CACNA2D3: variants seen among roughly 807,000 people sequenced by gnomAD.
CACNA2D3 encodes calcium voltage-gated channel auxiliary subunit alpha2delta 3.
CACNA2D3 carries 60 observed loss-of-function variants against 160.6 expected under a neutral mutation model. The ratio of observed to expected loss-of-function variants is 0.37; its 90% CI spans 0.30 to 0.46. The LOEUF is 0.46. Ranked by LOEUF, CACNA2D3 falls within the 20% of genes least tolerant of loss-of-function variation. The pLI is 1.00. For missense variants in CACNA2D3, 1,205 were observed against 1,365.0 expected (o/e 0.88, Z 1.85); for synonymous variants, 558 against 492.9 (o/e 1.13, Z -1.75).
intron 26 of CACNA2D3, 121 bp downstream of exon 26, chr3:54,896,991 G>A (rs1700205755): frequency 3.9e-6 from 5 of 1,272,232 alleles, no homozygotes; most frequent in Non-Finnish European, 5.6e-6. Flanking sequence ...CTCAGAGCCA[G>A]TGCTGAATAT....
chr3:54,375,374 A>G (rs558816137), intron 3 of CACNA2D3, among the ~76,000 whole-genome samples: 28 of 151,980 alleles, frequency 1.8e-4, no homozygotes, highest in African/African-American at 5.8e-4. Context: ...AATTTGTCCA[A>G]CTGCATTTTG....
At chr3:54,571,688 AAC>A (rs10617736) in intron 8 of CACNA2D3, among the ~76,000 whole-genome samples, 53,079 of 149,892 alleles carry the variant, frequency 0.35, 10,488 homozygotes, top group Middle Eastern at 0.48. Flanking sequence ...GCATGAAAAT[AAC>A]ACACATCACA....
chr3:54,987,926 G>C (rs1346294224), intron 31 of CACNA2D3, among the ~76,000 whole-genome samples, 173 bp downstream of exon 31: 4 of 152,182 alleles, frequency 2.6e-5, no homozygotes, highest in Admixed American at 1.3e-4. Flanking sequence ...GTGTTAGAGT[G>C]TTAGAGTCTT....
chr3:54,486,403 A>T (rs540649117), intron 4 of CACNA2D3, among the ~76,000 whole-genome samples: 5 of 152,304 alleles, frequency 3.3e-5, no homozygotes, highest in African/African-American at 9.6e-5. Context: ...ACCTAACTGC[A>T]AGTGTTCACT....
chr3:54,127,781 C>A (rs1454633717), intron 2 of CACNA2D3, among the ~76,000 whole-genome samples: 1 of 152,168 alleles, frequency 6.6e-6, no homozygotes, highest in East Asian at 1.9e-4. Flanking sequence ...AACACAATCA[C>A]CCAGACAGTA....
intron 27 of CACNA2D3, among the ~76,000 whole-genome samples, chr3:54,956,403 C>T (rs1294956690): frequency 6.6e-6 from 1 of 152,220 alleles, no homozygotes; most frequent in East Asian, 1.9e-4. Context: ...AGGCTATCCC[C>T]AGAATAATTA....
At chr3:54,452,930 G>A (rs570660309) in intron 4 of CACNA2D3, among the ~76,000 whole-genome samples, 20 of 151,994 alleles carry the variant, frequency 1.3e-4, no homozygotes, top group African/African-American at 3.4e-4. Flanking sequence ...CTCGGTGTTC[G>A]TCTGTGTTTC....
At chr3:54,258,579 A>G (rs1702344041) in intron 2 of CACNA2D3, among the ~76,000 whole-genome samples, 1 of 152,212 alleles carries the variant, frequency 6.6e-6, no homozygotes, top group African/African-American at 2.4e-5. Flanking sequence ...CTTTACCATT[A>G]AACTTAGTTT....
At position 54,883,731 on chromosome 3, in the gene CACNA2D3, ACT is replaced by A. The variant is rs531817906; in HGVS notation, c.1913-1547_1913-1546del. Among the ~76,000 whole-genome samples the A allele has an allele frequency of 1.6e-3, 217 of 133,822 alleles. 1 individual carries two copies. Among genetic ancestry groups the A allele is most frequent in the East Asian group, 0.011 (47 of 4,348 alleles). The allele number at this position is 133,822 out of a possible 152,430, so 87.8% of individuals were successfully genotyped here. ...GAGCACCCTTCCTGCCACCTACATG[ACT>A]CTTCCTTTCCTCATTCAGGTCACTT... On this transcript the variant is annotated intron_variant, in intron 21 of 37. Transcript: ENST00000474759.
At chr3:55,016,340 A>G (rs1445507758) in intron 34 of CACNA2D3, among the ~76,000 whole-genome samples, 2 of 152,220 alleles carry the variant, frequency 1.3e-5, no homozygotes, top group African/African-American at 2.4e-5. Flanking sequence ...GCTACTGTCC[A>G]TGTAATTCAT....
chr3:54,838,493 T>A, intron 15 of CACNA2D3, 75 bp from the exon 16 acceptor site: 2 of 1,180,408 alleles, frequency 1.7e-6, no homozygotes, highest in Non-Finnish European at 2.5e-6. Context: ...AGACGGTATG[T>A]GACTTCTCGT....
intron 9 of CACNA2D3, among the ~76,000 whole-genome samples, chr3:54,620,292 T>C (rs1049274287): frequency 6.6e-6 from 1 of 152,172 alleles, no homozygotes; most frequent in Non-Finnish European, 1.5e-5. Flanking sequence ...AGAACACTCT[T>C]ACCTTTAATG....
intron 10 of CACNA2D3, among the ~76,000 whole-genome samples, chr3:54,636,099 C>T (rs1485127844): frequency 1.3e-5 from 2 of 151,792 alleles, no homozygotes; most frequent in African/African-American, 4.9e-5. Flanking sequence ...AGATGGAACA[C>T]TGAGAAGTTA....
chr3:54,269,536 G>C (rs1559902600), intron 2 of CACNA2D3, among the ~76,000 whole-genome samples: 1 of 152,160 alleles, frequency 6.6e-6, no homozygotes, highest in Non-Finnish European at 1.5e-5. Context: ...GAAGGTGAGG[G>C]AGATGTGCCC....
At chr3:54,403,029 C>A (rs1699499244) in intron 4 of CACNA2D3, among the ~76,000 whole-genome samples, 1 of 152,074 alleles carries the variant, frequency 6.6e-6, no homozygotes, top group Non-Finnish European at 1.5e-5. Flanking sequence ...TCCTGAACAA[C>A]CCAGTGGGTC....
At chr3:54,388,255 C>T (rs1699222990) in intron 4 of CACNA2D3, among the ~76,000 whole-genome samples, 1 of 152,156 alleles carries the variant, frequency 6.6e-6, no homozygotes, top group African/African-American at 2.4e-5. Flanking sequence ...TATAGACACC[C>T]ATGGTGAGCT....
intron 2 of CACNA2D3, among the ~76,000 whole-genome samples, chr3:54,284,938 T>C (rs964654666): frequency 6.6e-6 from 1 of 152,152 alleles, no homozygotes; most frequent in Non-Finnish European, 1.5e-5. Context: ...TAAAGGAGTA[T>C]ATAAATATAT....
chr3:54,355,486 T>G (rs1304746729), intron 3 of CACNA2D3, among the ~76,000 whole-genome samples: 1 of 152,088 alleles, frequency 6.6e-6, no homozygotes, highest in African/African-American at 2.4e-5. Context: ...CAGGATATAT[T>G]TGAAGTTAGA....
intron 34 of CACNA2D3, 43 bp from the exon 35 acceptor site, chr3:55,018,163 T>G: frequency 7.8e-7 from 1 of 1,278,300 alleles, no homozygotes; most frequent in East Asian, 2.4e-5. Flanking sequence ...TTTGAGCCTG[T>G]GCCTTGCATT....
Sources: gnomAD v4.1 joint callset for allele counts (sites outside exome capture counted in the v4.1 genomes callset) on GRCh38, gnomAD v4.1.1 for gene constraint, MANE v1.5 for transcripts, NCBI Gene and HGNC (gene_info 2026-07-23, HGNC 2026-07-21) for gene names.